Variants in CNTN6 observed in about 807,000 individuals in gnomAD.
CNTN6 encodes contactin 6, also known as contactin-6.
In CNTN6, 137 loss-of-function variants were observed where a neutral mutation model predicts 122.8. That is an observed-to-expected ratio of 1.12 (90% confidence interval 0.97 to 1.29). The LOEUF (loss-of-function observed/expected upper bound fraction) is 1.29. Ranked by LOEUF, CNTN6 falls within the 50% of genes most tolerant of loss-of-function variation. The pLI, the probability that CNTN6 is intolerant of heterozygous loss-of-function variation, is 0.00. For missense variants in CNTN6, 1,634 were observed against 1,223.4 expected, an observed-to-expected ratio of 1.34 and a Z score of -5.01; for synonymous variants, 570 against 426.0, an observed-to-expected ratio of 1.34 and a Z score of -4.16.
intron 1 of CNTN6, among the ~76,000 whole-genome samples, chr3:1,107,180 C>T (rs72995721): frequency 0.065 from 9,883 of 152,096 alleles, 428 homozygotes; most frequent in Non-Finnish European, 0.09. Context: ...GTCAAGTTGA[C>T]ACATAAATGT....
At chr3:1,100,142 G>A (rs2090803903) in intron 1 of CNTN6, among the ~76,000 whole-genome samples, 1 of 151,950 alleles carries the variant, frequency 6.6e-6, no homozygotes, top group South Asian at 2.1e-4. Context: ...CTATTTATGT[G>A]CATCTCCTAG....
chr3:1,380,299 A>G (rs1295096219), intron 17 of CNTN6, among the ~76,000 whole-genome samples: 1 of 152,140 alleles, frequency 6.6e-6, no homozygotes, highest in East Asian at 1.9e-4. Flanking sequence ...ACTGAACTAA[A>G]TATCTTTCCC....
intron 11 of CNTN6, among the ~76,000 whole-genome samples, chr3:1,351,405 C>A (rs1194811227): frequency 1.3e-5 from 2 of 151,916 alleles, no homozygotes; most frequent in Non-Finnish European, 1.5e-5. Flanking sequence ...ATCTTGACTA[C>A]CTACTAATGT....
At chr3:1,274,638 T>C (rs537874235) in intron 4 of CNTN6, among the ~76,000 whole-genome samples, 20 of 152,168 alleles carry the variant, frequency 1.3e-4, no homozygotes, top group Non-Finnish European at 2.2e-4. Flanking sequence ...GTAATGTAGT[T>C]AGCAGAGATA....
At chr3:1,347,058 C>T (rs556510124) in intron 11 of CNTN6, among the ~76,000 whole-genome samples, 12 of 152,090 alleles carry the variant, frequency 7.9e-5, no homozygotes, top group Non-Finnish European at 1.0e-4. Flanking sequence ...AATATTTATA[C>T]GTTATTGGCT....
At chr3:1,365,069 C>T (rs1282303034) in intron 12 of CNTN6, among the ~76,000 whole-genome samples, 1 of 151,950 alleles carries the variant, frequency 6.6e-6, no homozygotes, top group East Asian at 1.9e-4. Context: ...TATTCACTCT[C>T]CCCCAACATG....
At chr3:1,401,782 T>G (rs924596360) in intron 21 of CNTN6, among the ~76,000 whole-genome samples, 1 of 152,074 alleles carries the variant, frequency 6.6e-6, no homozygotes, top group Non-Finnish European at 1.5e-5. Flanking sequence ...TAACATTTTT[T>G]CTTCAAGTGG....
At chr3:1,335,829 G>C (rs753850750) in intron 11 of CNTN6, among the ~76,000 whole-genome samples, 1 of 152,070 alleles carries the variant, frequency 6.6e-6, no homozygotes, top group Non-Finnish European at 1.5e-5. Context: ...AGGAGTTCGA[G>C]ACCAGCCTGG....
intron 5 of CNTN6, among the ~76,000 whole-genome samples, chr3:1,282,645 C>T (rs893702746): frequency 4.6e-5 from 7 of 152,180 alleles, no homozygotes; most frequent in African/African-American, 1.7e-4. Context: ...GTAAGGACAG[C>T]ACAGAGAGGA....
At chr3:1,286,526 C>T (rs1694371996) in intron 5 of CNTN6, among the ~76,000 whole-genome samples, 1 of 152,118 alleles carries the variant, frequency 6.6e-6, no homozygotes, top group Admixed American at 6.6e-5. Flanking sequence ...AGGACATGAA[C>T]TCATCCTTTT....
intron 2 of CNTN6, among the ~76,000 whole-genome samples, chr3:1,162,239 C>CCTGG (rs545502308): frequency 3.9e-3 from 591 of 152,198 alleles, no homozygotes; most frequent in Admixed American, 7.1e-3. Flanking sequence ...TAATATTGAG[C>CCTGG]CTGGAAACAA....
intron 4 of CNTN6, among the ~76,000 whole-genome samples, chr3:1,244,367 G>A (rs942346224): frequency 2.7e-5 from 4 of 150,928 alleles, no homozygotes; most frequent in Non-Finnish European, 5.9e-5. Flanking sequence ...GAAGGAGAAG[G>A]GGTTGAGGGG....
chr3:1,144,476 G>A (rs904224016), intron 1 of CNTN6, among the ~76,000 whole-genome samples: 1 of 152,000 alleles, frequency 6.6e-6, no homozygotes, highest in Non-Finnish European at 1.5e-5. Flanking sequence ...TCGGGAGGCT[G>A]AGGCAGGAGA....
chr3:1,158,875 T>C lies in CNTN6; in HGVS notation c.55+10812T>C, dbSNP rs13089026. Among the ~76,000 whole-genome samples, 10 of 19,714 alleles carry C rather than the reference T, an allele frequency of 5.1e-4. No homozygotes were observed. In the East Asian group the frequency reaches 7.2e-3, roughly 14 times the overall value. The allele number at this position is 19,714 out of a possible 152,430, so 12.9% of individuals were successfully genotyped here. A position where few individuals can be genotyped will look rare whatever the true frequency, so the allele number is the denominator to read the frequency against. ...ATACATATATATACACACATATATA[T>C]ACACATATATACACACATATATATA... On this transcript the variant is annotated intron_variant, in intron 2 of 22. Coordinates refer to ENST00000446702, the MANE Select transcript of CNTN6 (RefSeq NM_001289080.2).
intron 20 of CNTN6, among the ~76,000 whole-genome samples, chr3:1,394,827 C>T (rs1479637211): frequency 2.0e-5 from 3 of 152,034 alleles, no homozygotes; most frequent in South Asian, 2.1e-4. Flanking sequence ...TGATGGTTAA[C>T]GTATGATCAA....
intron 9 of CNTN6, 61 bp downstream of exon 9, chr3:1,326,012 C>G (rs1460145157): frequency 1.4e-5 from 20 of 1,445,362 alleles, no homozygotes; most frequent in African/African-American, 8.5e-5. Flanking sequence ...TTGTTACTAA[C>G]AGTACTAGTA....
At chr3:1,360,763 C>G (rs1457303001) in intron 12 of CNTN6, among the ~76,000 whole-genome samples, 1 of 151,960 alleles carries the variant, frequency 6.6e-6, no homozygotes, top group African/African-American at 2.4e-5. Flanking sequence ...CCAAATTCAA[C>G]AGCCTATTTT....
At chr3:1,316,124 C>A (rs1000113108) in intron 7 of CNTN6, among the ~76,000 whole-genome samples, 3 of 151,892 alleles carry the variant, frequency 2.0e-5, no homozygotes, top group African/African-American at 7.3e-5. Flanking sequence ...AAGCATGTGA[C>A]ATGAATTATC....
At chr3:1,343,260 T>C (rs919996679) in intron 11 of CNTN6, among the ~76,000 whole-genome samples, 1 of 152,110 alleles carries the variant, frequency 6.6e-6, no homozygotes, top group African/African-American at 2.4e-5. Context: ...AGACTATTAG[T>C]AGTTAATTTT....
Sources: gnomAD v4.1 joint callset for allele counts (sites outside exome capture counted in the v4.1 genomes callset) on GRCh38, gnomAD v4.1.1 for gene constraint, MANE v1.5 for transcripts, NCBI Gene and HGNC (gene_info 2026-07-23, HGNC 2026-07-21) for gene names.